Variants in PDIA3 observed in about 807,000 individuals in gnomAD.
The protein encoded by PDIA3 is protein disulfide-isomerase A3.
A neutral mutation model predicts 56.9 loss-of-function variants in PDIA3; 16 were observed. That is an observed-to-expected ratio of 0.28 (90% CI 0.19 to 0.43). PDIA3 has a LOEUF of 0.43. Ranked by LOEUF, PDIA3 falls within the 20% of genes least tolerant of loss-of-function variation. The probability of loss-of-function intolerance (pLI) is 1.00; values close to 1 mark genes in which losing one functional copy is unlikely to be tolerated. For synonymous variants in PDIA3, 192 were observed against 216.5 expected (o/e 0.89, Z 0.99); for missense variants, 485 against 621.3 (o/e 0.78, Z 2.33).
chr15:43,762,946 C>CA, intron 4 of PDIA3, 131 bp from the exon 5 acceptor site: 1 of 808,756 alleles, frequency 1.2e-6, no homozygotes, highest in Non-Finnish European at 1.9e-6. Flanking sequence ...CTGAGGTAGT[C>CA]ATGGCAAAGC....
intron 2 of PDIA3, among the ~76,000 whole-genome samples, chr15:43,755,938 C>T (rs930125261): frequency 1.3e-4 from 20 of 151,590 alleles, no homozygotes; most frequent in Non-Finnish European, 2.5e-4. Context: ...AAAATTCAAT[C>T]ACAATTCCTA....
At position 43,754,732 on chromosome 15, in the gene PDIA3, T is replaced by G. The variant is rs1285557122; in HGVS notation, c.246+830T>G. 2.7e-5 allele frequency among the ~76,000 whole-genome samples: 4 copies of G among 149,372 alleles called. No individual in the cohort carries two copies. The East Asian group carries it at 7.9e-4, about 29-fold the overall frequency. On this transcript the variant is annotated intron_variant, in intron 2 of 12. Transcript: ENST00000300289. Reference sequence around the variant, plus strand: ...TCTCTTAAAAAAAAAAAAAAAAGTGTAATCCCAGTACTTTGGGAGGCCAAG... The same window carrying G: ...TCTCTTAAAAAAAAAAAAAAAAGTGGAATCCCAGTACTTTGGGAGGCCAAG...
chr15:43,765,380 CAAA>C, intron 5 of PDIA3, 67 bp from the exon 6 acceptor site: 2 of 705,918 alleles, frequency 2.8e-6, no homozygotes, highest in Non-Finnish European at 2.3e-6. Context: ...AACCCTATCT[CAAA>C]AAAAAAAAGA....
Position 43,771,241 on chromosome 15 carries a change from G to C in PDIA3, c.*23G>C, listed in dbSNP as rs1485545348. On this transcript the variant is annotated 3_prime_UTR_variant, in exon 13 of 13. Transcript: ENST00000300289. The stretch of plus-strand genomic sequence containing the variant: ...TAAAGCAGTAGCCAAACACCACTTT[G>C]TAAAAGGACTCTTCCATCAGAGATG... 1 of 1,434,178 alleles carries C rather than the reference G, an allele frequency of 7.0e-7. No homozygotes were observed. The highest frequency in any genetic ancestry group is 9.8e-7 in the Non-Finnish European group (1 of 1,021,802). 88.8% of individuals were successfully genotyped at this position (1,434,178 alleles called of 1,614,324 possible).
At chr15:43,752,358 T>G (rs2086750068) in intron 1 of PDIA3, among the ~76,000 whole-genome samples, 1 of 152,202 alleles carries the variant, frequency 6.6e-6, no homozygotes, top group African/African-American at 2.4e-5. Context: ...TTCACACACA[T>G]AAGATACCAC....
At chr15:43,749,814 C>T (rs1195974127) in intron 1 of PDIA3, among the ~76,000 whole-genome samples, 3 of 152,062 alleles carry the variant, frequency 2.0e-5, no homozygotes, top group Non-Finnish European at 4.4e-5. Context: ...TGGTAGCACA[C>T]GCCTGTAGTC....
intron 2 of PDIA3, among the ~76,000 whole-genome samples, chr15:43,754,482 G>A (rs2086764679): frequency 6.6e-6 from 1 of 151,652 alleles, no homozygotes; most frequent in South Asian, 2.1e-4. Flanking sequence ...GTGCCTCACA[G>A]CTGTAATTCC....
At position 43,753,748 on chromosome 15, in the gene PDIA3, G is replaced by T. The variant is rs1015457645; in HGVS notation, c.168-76G>T. 3.9e-6 allele frequency: 4 copies of T among 1,037,248 alleles called. No homozygotes were observed. The African/African-American group carries it at 6.3e-5, about 16-fold the overall frequency. The allele number at this position is 1,037,248 out of a possible 1,614,324, so 64.3% of individuals were successfully genotyped here. ...GCTCAAAGGTAGTATTATAGTTTGA[G>T]ATTCTTCCTAGTGAGACAACATTAA... On this transcript the variant is annotated intron_variant, in intron 1 of 12. Transcript: ENST00000300289.
At chr15:43,748,746 A>G (rs1204570927) in intron 1 of PDIA3, among the ~76,000 whole-genome samples, 1 of 151,030 alleles carries the variant, frequency 6.6e-6, no homozygotes, top group Non-Finnish European at 1.5e-5. Context: ...ACATTCCACT[A>G]CATTTTTTTT....
At chr15:43,757,925 G>C (rs2086790233) in intron 3 of PDIA3, among the ~76,000 whole-genome samples, 1 of 150,882 alleles carries the variant, frequency 6.6e-6, no homozygotes, top group Non-Finnish European at 1.5e-5. Flanking sequence ...ATACCCATTA[G>C]GATGGCTACT....
chr15:43,758,657 C>A (rs575170099), intron 3 of PDIA3, among the ~76,000 whole-genome samples: 49 of 137,532 alleles, frequency 3.6e-4, no homozygotes, highest in Admixed American at 4.4e-4. Context: ...GACTCCGTCT[C>A]AAAAAAAAAA....
At chr15:43,767,129 C>T (rs1039232590) in intron 8 of PDIA3, among the ~76,000 whole-genome samples, 1 of 151,984 alleles carries the variant, frequency 6.6e-6, no homozygotes, top group South Asian at 2.1e-4. Flanking sequence ...GCAGGTGGAT[C>T]GCCTAAGGTC....
At position 43,756,635 on chromosome 15, in the gene PDIA3, A is replaced by ATTTTGATC; in HGVS notation, c.247-10_247-3dup. The ATTTTGATC allele has an allele frequency of 7.1e-7, 1 of 1,408,246 alleles. No homozygotes were observed. The highest frequency in any genetic ancestry group is 1.0e-6 in the Non-Finnish European group (1 of 994,396). 87.2% of individuals were successfully genotyped at this position (1,408,246 alleles called of 1,614,324 possible). A position where few individuals can be genotyped will look rare whatever the true frequency, so the allele number is the denominator to read the frequency against. On this transcript the variant is annotated splice_polypyrimidine_tract_variant and intron_variant, in intron 2 of 12. Coordinates refer to ENST00000300289, the MANE Select transcript of PDIA3 (RefSeq NM_005313.5). ...ACTTGGATAAGAAAATAGTTTGTGT[A>ATTTTGATC]TTTTGATCTTTAGGTTGATTGCACT...
At chr15:43,749,241 G>A (rs1284205497) in intron 1 of PDIA3, among the ~76,000 whole-genome samples, 15 of 151,826 alleles carry the variant, frequency 9.9e-5, no homozygotes, top group African/African-American at 3.1e-4. Context: ...TTACAGGCAC[G>A]CACCACCAAG....
At position 43,746,569 on chromosome 15, in the gene PDIA3, G is replaced by C. The variant is rs576808488; in HGVS notation, c.30G>C (p.Pro10=). Residue 10 remains proline, a synonymous_variant, in exon 1 of 13, where the codon CCG becomes CCC. Coordinates refer to ENST00000300289, the MANE Select transcript of PDIA3 (RefSeq NM_005313.5). ...GCCTCCGCCGCCTAGCGCTGTTCCC[G>C]GGTGTGGCGCTGCTTCTTGCCGCGG... is the stretch of plus-strand genomic sequence containing the variant. MRLRRLALF[P]GVALLLAAAR... The C allele has an allele frequency of 5.3e-5, 86 of 1,611,258 alleles. No homozygotes were observed. In the Admixed American group the frequency reaches 1.2e-3, roughly 23 times the overall value.
chr15:43,751,693 T>C (rs1324027850), intron 1 of PDIA3: 5 of 1,303,672 alleles, frequency 3.8e-6, no homozygotes, highest in South Asian at 3.7e-5. Flanking sequence ...CAGTGGATTT[T>C]AGTCCCAGCC....
intron 10 of PDIA3, 152 bp from the exon 11 acceptor site, chr15:43,770,098 C>A: frequency 1.6e-6 from 1 of 627,266 alleles, no homozygotes; most frequent in Non-Finnish European, 2.8e-6. Flanking sequence ...AGCAGTTTAT[C>A]TGCTGGAATT....
At position 43,753,814 on chromosome 15, in the gene PDIA3, A is replaced by G; in HGVS notation, c.168-10A>G. The G allele has an allele frequency of 6.3e-7, 1 of 1,599,146 alleles. No individual in the cohort carries two copies. On this transcript the variant is annotated splice_polypyrimidine_tract_variant and intron_variant, in intron 1 of 12. Coordinates refer to ENST00000300289, the MANE Select transcript of PDIA3 (RefSeq NM_005313.5). Reference sequence around the variant, plus strand: ...AAACTGAGAATTTGGCTTTTTTAATACGTATATAGGTGTGGACACTGCAAG... The same window carrying G: ...AAACTGAGAATTTGGCTTTTTTAATGCGTATATAGGTGTGGACACTGCAAG...
intron 3 of PDIA3, among the ~76,000 whole-genome samples, chr15:43,757,126 CAACA>C (rs1301267585): frequency 1.3e-5 from 2 of 152,128 alleles, no homozygotes; most frequent in Non-Finnish European, 2.9e-5. Flanking sequence ...GGGGAGAAGG[CAACA>C]AACAAGTTTT....
Sources: allele counts gnomAD v4.1 joint callset (sites outside exome capture counted in the v4.1 genomes callset), GRCh38; gene constraint gnomAD v4.1.1; transcripts MANE v1.5; gene names NCBI Gene and HGNC (gene_info 2026-07-23, HGNC 2026-07-21).